The following DPP10 variants were observed in gnomAD, a reference collection of about 807,000 sequenced individuals.
DPP10 encodes the protein inactive dipeptidyl peptidase 10.
A neutral mutation model predicts 120.9 loss-of-function variants in DPP10; 33 were observed. The ratio of observed to expected loss-of-function variants is 0.27; its 90% confidence interval spans 0.21 to 0.37. The LOEUF (loss-of-function observed/expected upper bound fraction) is 0.37. Among genes scored for constraint, DPP10 ranks in the 10% least tolerant of loss-of-function variants. The pLI, the probability that DPP10 is intolerant of heterozygous loss-of-function variation, is 1.00. For missense variants in DPP10, 816 were observed against 942.8 expected, an observed-to-expected ratio of 0.87 and a Z score of 1.76; for synonymous variants, 337 against 326.1, an observed-to-expected ratio of 1.03 and a Z score of -0.36.
At chr2:115,184,867 G>T (rs2054323845) in intron 1 of DPP10, among the ~76,000 whole-genome samples, 1 of 152,132 alleles carries the variant, frequency 6.6e-6, no homozygotes, top group Non-Finnish European at 1.5e-5. Context: ...ATATTTTCCT[G>T]AGAAACAGTT....
intron 1 of DPP10, among the ~76,000 whole-genome samples, chr2:114,780,087 G>A (rs1396159592): frequency 6.6e-6 from 1 of 151,880 alleles, no homozygotes; most frequent in Non-Finnish European, 1.5e-5. Context: ...AGTGAGCCGA[G>A]ATTGCACCAC....
At chr2:114,824,911 A>G (rs780484012) in intron 1 of DPP10, among the ~76,000 whole-genome samples, 10 of 152,220 alleles carry the variant, frequency 6.6e-5, no homozygotes, top group Non-Finnish European at 1.2e-4. Context: ...ACATGCTCCA[A>G]TAATAAGATG....
At chr2:115,256,830 T>C (rs2059022653) in intron 1 of DPP10, among the ~76,000 whole-genome samples, 1 of 152,230 alleles carries the variant, frequency 6.6e-6, no homozygotes, top group Non-Finnish European at 1.5e-5. Flanking sequence ...TTAACATCAA[T>C]TATTTGCTCC....
At chr2:115,242,169 C>T (rs1253627271) in intron 1 of DPP10, among the ~76,000 whole-genome samples, 1 of 152,084 alleles carries the variant, frequency 6.6e-6, no homozygotes, top group Non-Finnish European at 1.5e-5. Context: ...CCCTTTCCCC[C>T]TGAGTCCTCA....
intron 1 of DPP10, among the ~76,000 whole-genome samples, chr2:114,655,508 T>G (rs183939326): frequency 2.0e-4 from 30 of 152,326 alleles, no homozygotes; most frequent in African/African-American, 6.5e-4. Context: ...TAATCCTTCC[T>G]TGACTAGTGC....
intron 3 of DPP10, among the ~76,000 whole-genome samples, chr2:115,375,249 T>C (rs987213589): frequency 3.9e-5 from 6 of 152,274 alleles, no homozygotes; most frequent in Admixed American, 3.3e-4. Flanking sequence ...CCAATAGATA[T>C]CCTAAATAAT....
intron 3 of DPP10, among the ~76,000 whole-genome samples, chr2:115,405,852 A>C (rs2068468114): frequency 2.0e-5 from 3 of 152,138 alleles, no homozygotes; most frequent in African/African-American, 7.2e-5. Flanking sequence ...CCTATCCCCC[A>C]CAACATTCCA....
chr2:114,978,108 T>C (rs1444624183), intron 1 of DPP10, among the ~76,000 whole-genome samples: 1 of 152,096 alleles, frequency 6.6e-6, no homozygotes, highest in African/African-American at 2.4e-5. Flanking sequence ...AAAAGTAGCA[T>C]GATGAATTTA....
chr2:114,638,955 T>C (rs1229983716), intron 1 of DPP10, among the ~76,000 whole-genome samples: 1 of 151,744 alleles, frequency 6.6e-6, no homozygotes, highest in Non-Finnish European at 1.5e-5. Context: ...TACACAGCCA[T>C]AAAAAGTAAT....
intron 1 of DPP10, among the ~76,000 whole-genome samples, chr2:114,532,119 T>A (rs1686040902): frequency 6.6e-6 from 1 of 151,354 alleles, no homozygotes; most frequent in Admixed American, 6.6e-5. Flanking sequence ...TATGCCATCA[T>A]TTCTCTCAAT....
chr2:114,997,191 A>G (rs1030851077), intron 1 of DPP10, among the ~76,000 whole-genome samples: 5 of 151,944 alleles, frequency 3.3e-5, no homozygotes, highest in African/African-American at 1.2e-4. Context: ...TGTCACAATA[A>G]GATACCAACT....
intron 1 of DPP10, among the ~76,000 whole-genome samples, chr2:114,578,852 A>T (rs1690265355): frequency 6.6e-6 from 1 of 152,236 alleles, no homozygotes; most frequent in Admixed American, 6.5e-5. Flanking sequence ...GAAAATAAAA[A>T]TAGGAAAAAA....
intron 1 of DPP10, among the ~76,000 whole-genome samples, chr2:114,576,789 C>T (rs1311176465): frequency 6.6e-6 from 1 of 152,178 alleles, no homozygotes; most frequent in Non-Finnish European, 1.5e-5. Context: ...AAGATATGTT[C>T]TTTGGCATGT....
At chr2:115,633,327 A>G (rs947297519) in intron 5 of DPP10, among the ~76,000 whole-genome samples, 10 of 152,146 alleles carry the variant, frequency 6.6e-5, no homozygotes, top group Non-Finnish European at 1.3e-4. Context: ...AAACTATCGC[A>G]AGGACAGAAA....
chr2:114,501,403 C>A (rs1683166727), intron 1 of DPP10, among the ~76,000 whole-genome samples: 1 of 152,062 alleles, frequency 6.6e-6, no homozygotes, highest in Non-Finnish European at 1.5e-5. Flanking sequence ...TTTTGATGAA[C>A]AAGAATATAT....
chr2:115,638,189 G>A (rs1013542885), intron 5 of DPP10, among the ~76,000 whole-genome samples: 8 of 152,256 alleles, frequency 5.3e-5, no homozygotes, highest in East Asian at 1.9e-4. Flanking sequence ...TTTGAAATCC[G>A]TCAGTTGATT....
chr2:115,753,163 T>C lies in DPP10; in HGVS notation c.951-11T>C. The C allele has an allele frequency of 6.2e-7, 1 of 1,606,250 alleles. No individual in the cohort carries two copies. The highest frequency in any genetic ancestry group is 8.5e-7 in the Non-Finnish European group (1 of 1,175,490). On this transcript the variant is annotated splice_polypyrimidine_tract_variant and intron_variant, in intron 10 of 25. Transcript: ENST00000410059. ...CTCTAAACATACATTTTAATTTTGT[T>C]TCCAAACTAGAGAATACTATATCAC...
intron 2 of DPP10, among the ~76,000 whole-genome samples, chr2:115,337,423 A>G (rs186611742): frequency 6.2e-4 from 94 of 152,196 alleles, no homozygotes; most frequent in Non-Finnish European, 1.1e-3. Flanking sequence ...AAGAAAACTT[A>G]TTTTTGGGAG....
At chr2:115,775,233 T>G (rs1163780908) in intron 13 of DPP10, among the ~76,000 whole-genome samples, 1 of 151,616 alleles carries the variant, frequency 6.6e-6, no homozygotes, top group Non-Finnish European at 1.5e-5. Flanking sequence ...TAATTAGAAA[T>G]GAAAGAATAG....
Sources: gnomAD v4.1 joint callset for allele counts (sites outside exome capture counted in the v4.1 genomes callset) on GRCh38, gnomAD v4.1.1 for gene constraint, MANE v1.5 for transcripts, NCBI Gene and HGNC (gene_info 2026-07-23, HGNC 2026-07-21) for gene names.